ELAVL2: variants seen among roughly 807,000 people sequenced by gnomAD.
The protein encoded by ELAVL2 is ELAV like RNA binding protein 2.
ELAVL2 carries 4 observed loss-of-function variants against 34.6 expected under a neutral mutation model. That is an observed-to-expected ratio of 0.12 (90% CI 0.06 to 0.26). The LOEUF (loss-of-function observed/expected upper bound fraction) is 0.26. ELAVL2 is among the 10% of genes least tolerant of loss of function. The pLI is 1.00. For synonymous variants in ELAVL2, 193 were observed against 154.8 expected (o/e 1.25, Z -1.83); for missense variants, 432 against 442.8 (o/e 0.98, Z 0.22).
intron 1 of ELAVL2, among the ~76,000 whole-genome samples, chr9:23,803,750 T>TG (rs899638992): frequency 2.0e-5 from 3 of 149,034 alleles, no homozygotes; most frequent in African/African-American, 7.3e-5. Flanking sequence ...GCGGGTGGGG[T>TG]GGGGGGACAA....
the ELAVL2 span, among the ~76,000 whole-genome samples, chr9:23,843,481 G>T: frequency 2.0e-5 from 3 of 152,104 alleles, no homozygotes; most frequent in African/African-American, 7.2e-5. Flanking sequence ...CTGATCACTG[G>T]TACTACTTAC....
chr9:23,714,126 T>C (rs1259438547), intron 3 of ELAVL2, among the ~76,000 whole-genome samples: 6 of 152,234 alleles, frequency 3.9e-5, no homozygotes, highest in Non-Finnish European at 8.8e-5. Flanking sequence ...CTAACACTTA[T>C]TGTTTACCAT....
chr9:23,761,322 T>C (rs75208503), intron 2 of ELAVL2, among the ~76,000 whole-genome samples: 6,706 of 152,146 alleles, frequency 0.044, 217 homozygotes, highest in Middle Eastern at 0.15. Context: ...CATTAACCCT[T>C]CTATCCCAAG....
chr9:23,730,973 T>G lies in ELAVL2; in HGVS notation c.333+49A>C, dbSNP rs760644167. ...AAAGAACTACAAATAAATCTTAATT[T>G]TTTTAAACTTCTGTTCCGCAAGTAG... On this transcript the variant is annotated intron_variant, in intron 3 of 6. Coordinates refer to ENST00000397312, the MANE Select transcript of ELAVL2 (RefSeq NM_004432.5). The G allele has an allele frequency of 3.3e-6, 5 of 1,530,090 alleles. No homozygotes were observed. The South Asian group carries it at 4.8e-5, about 15-fold the overall frequency. The allele number at this position is 1,530,090 out of a possible 1,614,324, so 94.8% of individuals were successfully genotyped here. A position where few individuals can be genotyped will look rare whatever the true frequency, so the allele number is the denominator to read the frequency against.
At position 23,759,756 on chromosome 9, in the gene ELAVL2, A is replaced by T. The variant is rs1465860650; in HGVS notation, c.229+2250T>A. 1.7e-3 allele frequency among the ~76,000 whole-genome samples: 99 copies of T among 58,180 alleles called. 1 individual carries two copies. The highest frequency in any genetic ancestry group is 0.01 in the South Asian group (18 of 1,792). 38.2% of individuals were successfully genotyped at this position (58,180 alleles called of 152,430 possible). A position where few individuals can be genotyped will look rare whatever the true frequency, so the allele number is the denominator to read the frequency against. On this transcript the variant is annotated intron_variant, in intron 2 of 6. Coordinates refer to ENST00000397312, the MANE Select transcript of ELAVL2 (RefSeq NM_004432.5). ...ATGTGTATACATCATATATAGTATT[A>T]TATATATATATATATATATATATAT...
chr9:23,740,756 T>C (rs2048966597), intron 2 of ELAVL2, among the ~76,000 whole-genome samples: 1 of 152,210 alleles, frequency 6.6e-6, no homozygotes, highest in African/African-American at 2.4e-5. Context: ...GAGAGGTATC[T>C]GCATTATAAA....
At chr9:23,743,404 C>A (rs573304408) in intron 2 of ELAVL2, among the ~76,000 whole-genome samples, 1 of 152,078 alleles carries the variant, frequency 6.6e-6, no homozygotes, top group South Asian at 2.1e-4. Context: ...TTCACGGATA[C>A]TTTGAGGAAG....
rs774471922 is a variant in ELAVL2 at position 23,759,754 on chromosome 9, TTATATATATATA to T, written c.229+2240_229+2251del. 1.6e-3 allele frequency among the ~76,000 whole-genome samples: 132 copies of T among 81,342 alleles called. 2 individuals are homozygous for T. Among genetic ancestry groups the T allele is most frequent in the East Asian group, 4.9e-3 (13 of 2,646 alleles). The allele number at this position is 81,342 out of a possible 152,430, so 53.4% of individuals were successfully genotyped here. ...ATATGTGTATACATCATATATAGTA[TTATATATATATA>T]TATATATATATATATATATATATAA... On this transcript the variant is annotated intron_variant, in intron 2 of 6. Coordinates refer to ENST00000397312, the MANE Select transcript of ELAVL2 (RefSeq NM_004432.5).
At chr9:23,775,993 A>C (rs2058126243) in intron 1 of ELAVL2, among the ~76,000 whole-genome samples, 1 of 152,192 alleles carries the variant, frequency 6.6e-6, no homozygotes, top group Non-Finnish European at 1.5e-5. Context: ...ACAGATCCAT[A>C]AAGAGAATGA....
intron 1 of ELAVL2, among the ~76,000 whole-genome samples, chr9:23,769,363 G>C (rs191106421): frequency 1.3e-5 from 2 of 152,210 alleles, no homozygotes; most frequent in Non-Finnish European, 2.9e-5. Context: ...TCATCTGCCC[G>C]ACACACACCA....
chr9:23,727,405 G>A (rs1326140630), intron 3 of ELAVL2, among the ~76,000 whole-genome samples: 1 of 151,930 alleles, frequency 6.6e-6, no homozygotes, highest in Non-Finnish European at 1.5e-5. Context: ...CTAAACGATC[G>A]CCCAGCATGC....
At chr9:23,844,427 T>C in the ELAVL2 span, among the ~76,000 whole-genome samples, 1 of 151,986 alleles carries the variant, frequency 6.6e-6, no homozygotes, top group Non-Finnish European at 1.5e-5. Flanking sequence ...ATCAAACATA[T>C]ATTAATATCA....
At chr9:23,751,855 C>T (rs750170684) in intron 2 of ELAVL2, among the ~76,000 whole-genome samples, 8 of 152,212 alleles carry the variant, frequency 5.3e-5, no homozygotes, top group African/African-American at 1.7e-4. Context: ...TTCCACACTC[C>T]GGTGCTCTAG....
chr9:23,705,762 T>C (rs1320621046), intron 3 of ELAVL2, among the ~76,000 whole-genome samples: 1 of 152,198 alleles, frequency 6.6e-6, no homozygotes, highest in Non-Finnish European at 1.5e-5. Context: ...GCTTGGGCAA[T>C]AATGCTGGCT....
intron 3 of ELAVL2, among the ~76,000 whole-genome samples, chr9:23,712,775 A>G (rs2041320835): frequency 6.6e-6 from 1 of 152,208 alleles, no homozygotes; most frequent in African/African-American, 2.4e-5. Flanking sequence ...ATATTAGTCA[A>G]GGCAGTTGAT....
chr9:23,763,462 C>T (rs917468095), intron 1 of ELAVL2, among the ~76,000 whole-genome samples: 1 of 152,046 alleles, frequency 6.6e-6, no homozygotes, highest in Non-Finnish European at 1.5e-5. Flanking sequence ...CATCTCTCAC[C>T]TCCACAAAGA....
At chr9:23,831,967 A>T in the ELAVL2 span, among the ~76,000 whole-genome samples, 34 of 152,320 alleles carry the variant, frequency 2.2e-4, no homozygotes, top group African/African-American at 7.9e-4. Flanking sequence ...TTTGAAAAGT[A>T]CAGTATGGAG....
chr9:23,788,089 G>T (rs978636876), intron 1 of ELAVL2, among the ~76,000 whole-genome samples: 2 of 152,196 alleles, frequency 1.3e-5, no homozygotes, highest in African/African-American at 4.8e-5. Flanking sequence ...CTGTAGGTAA[G>T]AAGGGAGCAC....
At chr9:23,836,776 G>A in the ELAVL2 span, among the ~76,000 whole-genome samples, 21 of 152,020 alleles carry the variant, frequency 1.4e-4, 1 homozygote, top group Admixed American at 1.4e-3. Flanking sequence ...GAGGAAGTGG[G>A]CTACAAAGCA....
Sources: allele counts gnomAD v4.1 joint callset (sites outside exome capture counted in the v4.1 genomes callset), GRCh38; gene constraint gnomAD v4.1.1; transcripts MANE v1.5; gene names NCBI Gene and HGNC (gene_info 2026-07-23, HGNC 2026-07-21).